The following SCG3 variants were observed in gnomAD, a reference collection of about 807,000 sequenced individuals.
The protein encoded by SCG3 is secretogranin III.
In SCG3, 38 loss-of-function variants were observed where a neutral mutation model predicts 56.2. The ratio of observed to expected loss-of-function variants is 0.68; its 90% CI spans 0.52 to 0.89. The LOEUF (loss-of-function observed/expected upper bound fraction) is 0.89, where lower values mean the gene tolerates loss of function less well. Among genes scored for constraint, SCG3 ranks in the 40% least tolerant of loss-of-function variants. The pLI is 0.00. For synonymous variants in SCG3, 176 were observed against 184.2 expected (o/e 0.96, Z 0.36); for missense variants, 524 against 540.7 (o/e 0.97, Z 0.31).
chr15:51,683,234 A>G lies in SCG3; in HGVS notation c.197A>G (p.Gln66Arg). Residue 66 changes from glutamine (Q) to arginine (R), a missense_variant, in exon 4 of 12, where the codon CAG (glutamine) becomes CGG (arginine). Transcript: ENST00000220478. Reference protein sequence around the residue: ...KTYPPENKPGQSNYSFVDNLN... With the variant: ...KTYPPENKPGRSNYSFVDNLN... ...ATTCTTCCAGAAAACAAGCCAGGTC[A>G]GAGCAACTATTCTTTTGTTGATAAC... 6.2e-7 allele frequency: 1 copy of G among 1,613,554 alleles called. No homozygotes were observed. The highest frequency in any genetic ancestry group is 8.5e-7 in the Non-Finnish European group (1 of 1,179,754).
In SCG3 at chr15:51,692,297, T is replaced by A; in HGVS notation, c.829T>A (p.Phe277Ile). ...AGACAACTTTGAGGAACTCCAATATTTCCCAAATTTCTATGCGCTACTGAA... is the reference window on the plus strand; with the variant it reads ...AGACAACTTTGAGGAACTCCAATATATCCCAAATTTCTATGCGCTACTGAA... ...SEDNFEELQY[F>I]PNFYALLKSI... Residue 277 changes from phenylalanine to isoleucine, a missense_variant, in exon 7 of 12, where the codon TTC (phenylalanine) becomes ATC (isoleucine). Phe to Ile is a conservative substitution (Grantham distance 21, BLOSUM62 0). Transcript: ENST00000220478. 6.2e-7 allele frequency: 1 copy of A among 1,613,888 alleles called. No homozygotes were observed. Among genetic ancestry groups the A allele is most frequent in the Non-Finnish European group, 8.5e-7 (1 of 1,179,912 alleles).
rs1267846488 is a variant in SCG3, at chr15:51,720,003, AT to A, written c.*478del. The A allele has an allele frequency of 6.5e-6, 1 of 152,726 alleles. No homozygotes were observed. The highest frequency in any genetic ancestry group is 1.5e-5 in the Non-Finnish European group (1 of 68,438). 9.5% of individuals were successfully genotyped at this position (152,726 alleles called of 1,614,324 possible). ...TAAATTCACATTTTCTCAAAGTCTC[AT>A]AGCTTTGGAGGAGCCATCTGCTTTT... On this transcript the variant is annotated 3_prime_UTR_variant, in exon 12 of 12. Coordinates refer to ENST00000220478, the MANE Select transcript of SCG3 (RefSeq NM_013243.4).
chr15:51,681,764 C>T lies in SCG3; in HGVS notation c.9C>T (p.Phe3=), dbSNP rs1230456976. 3 of 1,613,904 alleles carry T rather than the reference C, an allele frequency of 1.9e-6. No homozygotes were observed. Among genetic ancestry groups the T allele is most frequent in the Non-Finnish European group, 2.5e-6 (3 of 1,179,846 alleles). The change falls in exon 1 of 12, where the codon TTC becomes TTT. Residue 3 remains phenylalanine (F), a synonymous_variant. Coordinates refer to ENST00000220478, the MANE Select transcript of SCG3 (RefSeq NM_013243.4). ...AAGCCGAGCGTGGAAGAATGGGGTT[C>T]CTCGGGACCGGCACTTGGATTCTGG... MG[F]LGTGTWILVL... is the part of the protein sequence containing the mutation.
intron 11 of SCG3, among the ~76,000 whole-genome samples, chr15:51,716,911 C>T (rs2055460152): frequency 6.6e-6 from 1 of 152,216 alleles, no homozygotes; most frequent in African/African-American, 2.4e-5. Context: ...TTTCCACAGC[C>T]TCCTCTTAGG....
At chr15:51,694,760 G>A (rs1370318324) in intron 7 of SCG3, among the ~76,000 whole-genome samples, 2 of 152,204 alleles carry the variant, frequency 1.3e-5, no homozygotes, top group African/African-American at 2.4e-5. Flanking sequence ...GCCGAGCGCG[G>A]TGGCTCACGC....
intron 1 of SCG3, among the ~76,000 whole-genome samples, chr15:51,682,044 G>GTTTTA (rs1225899487): frequency 2.6e-5 from 4 of 152,116 alleles, no homozygotes; most frequent in Non-Finnish European, 5.9e-5. Context: ...AATAATATGG[G>GTTTTA]TTGTTTTTAA....
At position 51,701,127 on chromosome 15, in the gene SCG3, G is replaced by C; in HGVS notation, c.1090G>C (p.Glu364Gln). The change falls in exon 10 of 12, where the codon GAA (glutamate) becomes CAA (glutamine). Residue 364 changes from glutamate to glutamine, a missense_variant. Coordinates refer to ENST00000220478, the MANE Select transcript of SCG3 (RefSeq NM_013243.4). ...LFPAPSEKSH[E>Q]ETDSTKEEAA... ...TACAGCACCATCAGAGAAGAGTCAT[G>C]AAGAAACAGACAGTACCAAGGAAGA... is the stretch of plus-strand genomic sequence containing the variant. 1 of 1,613,934 alleles carries C rather than the reference G, an allele frequency of 6.2e-7. No individual in the cohort carries two copies. Among genetic ancestry groups the C allele is most frequent in the South Asian group, 1.1e-5 (1 of 91,072 alleles).
intron 11 of SCG3, among the ~76,000 whole-genome samples, chr15:51,717,485 G>A (rs1427695351): frequency 6.6e-6 from 1 of 150,532 alleles, no homozygotes; most frequent in African/African-American, 2.4e-5. Context: ...AGTGAGCCAT[G>A]ATCATACGAC....
chr15:51,688,208 A>C, intron 4 of SCG3, 52 bp from the exon 5 acceptor site: 1 of 1,538,962 alleles, frequency 6.5e-7, no homozygotes, highest in Admixed American at 1.8e-5. Context: ...AATATGATGC[A>C]TGAAATAGAT....
intron 10 of SCG3, among the ~76,000 whole-genome samples, chr15:51,709,880 C>A (rs1432464063): frequency 2.2e-5 from 3 of 135,216 alleles, no homozygotes; most frequent in Admixed American, 1.5e-4. Context: ...ACCAACACGC[C>A]CGGCTAATTT....
chr15:51,717,682 C>T (rs2055467107), intron 11 of SCG3, among the ~76,000 whole-genome samples: 1 of 152,200 alleles, frequency 6.6e-6, no homozygotes. Context: ...AGTGCAGGAG[C>T]TTCCATCCTT....
At chr15:51,718,975 C>T (rs1010224339) in intron 11 of SCG3, among the ~76,000 whole-genome samples, 4 of 152,126 alleles carry the variant, frequency 2.6e-5, no homozygotes, top group East Asian at 1.9e-4. Context: ...CACTTAACCC[C>T]GAAGTGTGGT....
At chr15:51,713,519 A>C in intron 11 of SCG3, 106 bp downstream of exon 11, 1 of 652,316 alleles carries the variant, frequency 1.5e-6, no homozygotes, top group Non-Finnish European at 2.5e-6. Flanking sequence ...GTCTCCCCGC[A>C]GAGCCCAAAA....
rs557028770 is a variant in SCG3 at position 51,709,534 on chromosome 15, T to G, written c.1208-3799T>G. Among the ~76,000 whole-genome samples, 3 of 151,186 alleles carry G rather than the reference T, an allele frequency of 2.0e-5. No individual in the cohort carries two copies. The East Asian group carries it at 5.8e-4, about 29-fold the overall frequency. ...ATGTAGTATATCTATCACATTTGTGTTTTAAATTGTTTCTGAAAAAATAGT... is the reference window on the plus strand; with the variant it reads ...ATGTAGTATATCTATCACATTTGTGGTTTAAATTGTTTCTGAAAAAATAGT... On this transcript the variant is annotated intron_variant, in intron 10 of 11. Coordinates refer to ENST00000220478, the MANE Select transcript of SCG3 (RefSeq NM_013243.4).
chr15:51,689,492 A>C, intron 6 of SCG3, 124 bp downstream of exon 6: 1 of 1,233,666 alleles, frequency 8.1e-7, no homozygotes, highest in Non-Finnish European at 1.1e-6. Context: ...GGTATGTGGC[A>C]TTTTTAGCCC....
chr15:51,682,486 T>C (rs1359021612), intron 1 of SCG3, 31 bp from the exon 2 acceptor site: 2 of 1,239,114 alleles, frequency 1.6e-6, no homozygotes, highest in Non-Finnish European at 2.3e-6. Context: ...CAACGCACAA[T>C]TAAATTTATA....
chr15:51,692,303 A>G lies in SCG3; in HGVS notation c.835A>G (p.Asn279Asp), dbSNP rs374011939. The change falls in exon 7 of 12, where the codon AAT becomes GAT. Residue 279 changes from asparagine (N) to aspartate (D), a missense_variant. Coordinates refer to ENST00000220478, the MANE Select transcript of SCG3 (RefSeq NM_013243.4). ...DNFEELQYFPNFYALLKSIDS... is the reference protein window; with the variant it reads ...DNFEELQYFPDFYALLKSIDS... ...CTTTGAGGAACTCCAATATTTCCCA[A>G]ATTTCTATGCGCTACTGAAAAGTAT... 15 of 1,613,762 alleles carry G rather than the reference A, an allele frequency of 9.3e-6. No individual in the cohort carries two copies. Among genetic ancestry groups the G allele is most frequent in the South Asian group, 2.2e-5 (2 of 91,032 alleles).
rs1280971853 is a variant in SCG3 at position 51,688,371 on chromosome 15, A to G, written c.509A>G (p.Lys170Arg). 6.2e-7 allele frequency: 1 copy of G among 1,613,572 alleles called. No individual in the cohort carries two copies. The highest frequency in any genetic ancestry group is 8.5e-7 in the Non-Finnish European group (1 of 1,179,814). Residue 170 changes from lysine to arginine, a missense_variant, in exon 5 of 12, where the codon AAG (lysine) becomes AGG (arginine). Lys to Arg is a conservative substitution (Grantham distance 26, BLOSUM62 2). Transcript: ENST00000220478. ...YEENDRAVFD[K>R]IVSKLLNLGL... ...GAAAATGACAGAGCCGTGTTTGACA[A>G]GATTGTTTCTAAACTACTTAATCTC...
At position 51,719,466 on chromosome 15, in the gene SCG3, G is replaced by C; in HGVS notation, c.1347G>C (p.Glu449Asp). ...FINKQADAYV[E>D]KGILDKEEAE... The stretch of plus-strand genomic sequence containing the variant: ...ATAAACAAGCTGATGCTTATGTGGA[G>C]AAAGGCATCCTTGACAAGGAAGAAG... Residue 449 changes from glutamate to aspartate, a missense_variant, in exon 12 of 12, where the codon GAG (glutamate) becomes GAC (aspartate). Transcript: ENST00000220478. 6.2e-7 allele frequency: 1 copy of C among 1,614,106 alleles called. No individual in the cohort carries two copies.
Sources: allele counts gnomAD v4.1 joint callset (sites outside exome capture counted in the v4.1 genomes callset), GRCh38; gene constraint gnomAD v4.1.1; transcripts MANE v1.5; gene names NCBI Gene and HGNC (gene_info 2026-07-23, HGNC 2026-07-21).